Variants in PPT1 observed in about 807,000 individuals in gnomAD.
The protein encoded by PPT1 is ceroid-palmitoyl-palmitoyl-protein thioesterase 1.
PPT1 carries 24 observed loss-of-function variants against 44.0 expected under a neutral mutation model. That is an observed-to-expected ratio of 0.54 (90% CI 0.39 to 0.77). The LOEUF (loss-of-function observed/expected upper bound fraction) is 0.77. Among genes scored for constraint, PPT1 ranks in the 30% least tolerant of loss-of-function variants. The probability of loss-of-function intolerance (pLI) is 0.00; values close to 1 mark genes in which losing one functional copy is unlikely to be tolerated. For synonymous variants in PPT1, 148 were observed against 140.2 expected, an observed-to-expected ratio of 1.06 and a Z score of -0.39; for missense variants, 341 against 378.8, an observed-to-expected ratio of 0.90 and a Z score of 0.83.
At chr1:40,074,303 G>T (rs894206664) in intron 8 of PPT1, 120 bp from the exon 9 acceptor site, 1 of 1,295,954 alleles carries the variant, frequency 7.7e-7, no homozygotes, top group Non-Finnish European at 1.1e-6. Flanking sequence ...TTAAAATTGA[G>T]GTGTATTTTC....
intron 5 of PPT1, among the ~76,000 whole-genome samples, chr1:40,084,901 T>C (rs1201474434): frequency 3.3e-5 from 5 of 152,192 alleles, no homozygotes; most frequent in South Asian, 4.1e-4. Context: ...CTAGCGGTAA[T>C]GCCAGCGTCT....
At chr1:40,092,851 A>C (rs1262444941) in intron 1 of PPT1, among the ~76,000 whole-genome samples, 2 of 152,242 alleles carry the variant, frequency 1.3e-5, no homozygotes, top group Non-Finnish European at 2.9e-5. Context: ...GATGTCTTTA[A>C]TAATAATTTT....
At chr1:40,089,546 A>C in intron 4 of PPT1, 34 bp from the exon 5 acceptor site, 1 of 1,478,390 alleles carries the variant, frequency 6.8e-7, no homozygotes, top group Non-Finnish European at 9.5e-7. Flanking sequence ...CCACTCCTTC[A>C]ATAATGATGT....
chr1:40,089,749 T>G (rs1370248236), intron 4 of PPT1, among the ~76,000 whole-genome samples: 1 of 152,158 alleles, frequency 6.6e-6, no homozygotes, highest in East Asian at 1.9e-4. Context: ...ATGTGTTGCA[T>G]CACATGGCTG....
intron 5 of PPT1, 115 bp downstream of exon 5, chr1:40,089,295 A>AAAAAAAAAAAAAAAT: frequency 3.3e-6 from 2 of 605,576 alleles, no homozygotes; most frequent in Non-Finnish European, 3.0e-6. Flanking sequence ...TCAAAAAAAA[A>AAAAAAAAAAAAAAAT]GATCTCATTT....
rs146178084 is a variant in PPT1 at position 40,083,296 on chromosome 1, C to A, written c.537-2809G>T. On this transcript the variant is annotated intron_variant, in intron 5 of 8. Transcript: ENST00000642050. ...GACCCCACCTCTAGAAAAGAAAATTCTTTTTAAAAGTAGCCGAGCATGGCG... is the reference window on the plus strand; with the variant it reads ...GACCCCACCTCTAGAAAAGAAAATTATTTTTAAAAGTAGCCGAGCATGGCG... Among the ~76,000 whole-genome samples the A allele has an allele frequency of 1.1e-3, 160 of 152,068 alleles. 3 individuals carry two copies. In the South Asian group the frequency reaches 0.018, roughly 17 times the overall value.
chr1:40,087,714 A>C (rs955859241), intron 5 of PPT1, among the ~76,000 whole-genome samples: 17 of 152,074 alleles, frequency 1.1e-4, no homozygotes, highest in African/African-American at 4.1e-4. Context: ...AAGAAGAATG[A>C]AGTTTAAATA....
chr1:40,097,171 G>C lies in PPT1; in HGVS notation c.68C>G (p.Ala23Gly), dbSNP rs778166183. 1.9e-6 allele frequency: 3 copies of C among 1,614,110 alleles called. No individual in the cohort carries two copies. Among genetic ancestry groups the C allele is most frequent in the Non-Finnish European group, 2.5e-6 (3 of 1,179,972 alleles). Reference sequence around the variant, plus strand: ...CGCCGGCGGGTCCAGATGCTGCAGCGCCCGAGAAGCGCAGGTCCATGGCAG... The same window carrying C: ...CGCCGGCGGGTCCAGATGCTGCAGCCCCCGAGAAGCGCAGGTCCATGGCAG... ...ALLPWTCASR[A>G]LQHLDPPAPL... Residue 23 changes from alanine to glycine, a missense_variant, in exon 1 of 9, where the codon GCG becomes GGG. Ala to Gly is a moderately conservative substitution (Grantham distance 60). Transcript: ENST00000642050.
chr1:40,085,095 G>A (rs965819178), intron 5 of PPT1, among the ~76,000 whole-genome samples: 1 of 152,160 alleles, frequency 6.6e-6, no homozygotes, highest in African/African-American at 2.4e-5. Context: ...GCAGTTATCC[G>A]GAGGCCCAAC....
At chr1:40,083,497 C>CA (rs1557709658) in intron 5 of PPT1, among the ~76,000 whole-genome samples, 1 of 151,944 alleles carries the variant, frequency 6.6e-6, no homozygotes, top group Non-Finnish European at 1.5e-5. Context: ...AAAACAAACT[C>CA]AAAAAACAAA....
chr1:40,074,471 C>CTT (rs1419460736), intron 8 of PPT1, among the ~76,000 whole-genome samples: 1 of 123,402 alleles, frequency 8.1e-6, no homozygotes, highest in African/African-American at 3.0e-5. Context: ...GTCTCTCTTT[C>CTT]TCTTTCTTTC....
chr1:40,076,657 A>C, intron 8 of PPT1, 185 bp downstream of exon 8: 1 of 1,429,454 alleles, frequency 7.0e-7, no homozygotes, highest in South Asian at 1.5e-5. Context: ...AGTGCCTAAT[A>C]AGCTAGAGCA....
At chr1:40,071,751 A>G (rs554642288), downstream of PPT1, 6 of 558,226 alleles carry the variant, frequency 1.1e-5, no homozygotes, top group African/African-American at 3.8e-5. Flanking sequence ...CAGCTTTTCC[A>G]TATCAGCTCA....
chr1:40,077,384 C>G (rs1648684167), intron 7 of PPT1, among the ~76,000 whole-genome samples: 1 of 152,168 alleles, frequency 6.6e-6, no homozygotes, highest in Non-Finnish European at 1.5e-5. Context: ...CAGCCACAGA[C>G]AGTATGTAAA....
downstream of PPT1, chr1:40,071,596 G>A: frequency 3.7e-6 from 4 of 1,077,742 alleles, no homozygotes; most frequent in Non-Finnish European, 5.6e-6. Flanking sequence ...TATCAAGACG[G>A]TTCTTTTCTA....
chr1:40,075,751 G>A (rs576004157), intron 8 of PPT1, among the ~76,000 whole-genome samples: 74 of 151,834 alleles, frequency 4.9e-4, no homozygotes, highest in African/African-American at 1.6e-3. Context: ...ATCACCTGAG[G>A]TCAGGAGTTG....
chr1:40,078,461 C>T (rs944102424), intron 7 of PPT1, 99 bp downstream of exon 7: 48 of 1,248,258 alleles, frequency 3.8e-5, no homozygotes, highest in Non-Finnish European at 3.4e-5. Context: ...CTTGGCCTCC[C>T]AGAGTGCTGG....
chr1:40,086,352 G>A (rs886977399), intron 5 of PPT1, among the ~76,000 whole-genome samples: 3 of 152,204 alleles, frequency 2.0e-5, no homozygotes, highest in Admixed American at 1.3e-4. Flanking sequence ...AGGAAGGAGA[G>A]AGAGAACTAT....
At chr1:40,075,958 C>CAAAAAAAAAAAAAAAAAAAA (rs56338772) in intron 8 of PPT1, among the ~76,000 whole-genome samples, 1 of 41,832 alleles carries the variant, frequency 2.4e-5, no homozygotes, top group African/African-American at 1.1e-4. Context: ...AAGACTGTCT[C>CAAAAAAAAAAAAAAAAAAAA]AAAAAAAAAA....
Sources: allele counts gnomAD v4.1 joint callset (sites outside exome capture counted in the v4.1 genomes callset), GRCh38; gene constraint gnomAD v4.1.1; transcripts MANE v1.5; gene names NCBI Gene and HGNC (gene_info 2026-07-23, HGNC 2026-07-21).